Variants in TAPBPL observed in about 807,000 individuals in gnomAD.
The protein encoded by TAPBPL is tapasin-related protein.
In TAPBPL, 32 loss-of-function variants were observed where a neutral mutation model predicts 44.8. That is an observed-to-expected ratio of 0.71 (90% CI 0.54 to 0.96). The LOEUF (loss-of-function observed/expected upper bound fraction) is 0.96, where lower values mean the gene tolerates loss of function less well. TAPBPL is among the 40% of genes least tolerant of loss of function. The probability of loss-of-function intolerance (pLI) is 0.00; values close to 1 mark genes in which losing one functional copy is unlikely to be tolerated. For missense variants in TAPBPL, 520 were observed against 586.6 expected, an observed-to-expected ratio of 0.89 and a Z score of 1.17; for synonymous variants, 230 against 240.7, an observed-to-expected ratio of 0.96 and a Z score of 0.41.
At chr12:6,460,518 C>T (rs917793979) in intron 5 of TAPBPL, among the ~76,000 whole-genome samples, 2 of 152,326 alleles carry the variant, frequency 1.3e-5, no homozygotes, top group South Asian at 2.1e-4. Flanking sequence ...CCACCTACCT[C>T]AGCCTCCCAA....
At chr12:6,470,443 T>C (rs1565529670), downstream of TAPBPL, 2 of 1,592,848 alleles carry the variant, frequency 1.3e-6, no homozygotes, top group South Asian at 1.1e-5. Context: ...AGCTGCTGCA[T>C]TGCGCCATTT....
At chr12:6,465,383 T>TATGTGTATATATATATAA (rs1949984344), downstream of TAPBPL, 11 of 87,376 alleles carry the variant, frequency 1.3e-4, 1 homozygote, top group South Asian at 1.7e-3. Flanking sequence ...AATGTATATA[T>TATGTGTATATATATATAA]ATGTATATAT....
At chr12:6,452,675 A>T (rs940932811) in intron 1 of TAPBPL, 53 of 1,155,814 alleles carry the variant, frequency 4.6e-5, no homozygotes, top group Non-Finnish European at 5.3e-5. Flanking sequence ...AGGCTACCCG[A>T]AATGGGAGAA....
At chr12:6,462,382 G>A (rs1472148914), downstream of TAPBPL, 9 of 505,576 alleles carry the variant, frequency 1.8e-5, no homozygotes, top group Non-Finnish European at 2.8e-5. Context: ...ACAAAGAGGT[G>A]ATGACAGACA....
chr12:6,466,399 G>C (rs757991144), downstream of TAPBPL: 53 of 1,580,172 alleles, frequency 3.4e-5, no homozygotes, highest in Middle Eastern at 3.4e-4. Flanking sequence ...AGACAAGAAA[G>C]GAGCTGGGCG....
chr12:6,462,169 AC>A lies in TAPBPL; in HGVS notation c.*21del. 6.3e-7 allele frequency: 1 copy of A among 1,582,066 alleles called. No individual in the cohort carries two copies. Among genetic ancestry groups the A allele is most frequent in the South Asian group, 1.1e-5 (1 of 88,478 alleles). Reference sequence around the variant, plus strand: ...AGCTGACCTAAAGCGACATGAGACTACTAGAAAGAAACGACACCCTTCCCCA... The same window carrying A: ...AGCTGACCTAAAGCGACATGAGACTATAGAAAGAAACGACACCCTTCCCCA... On this transcript the variant is annotated 3_prime_UTR_variant, in exon 7 of 7. Coordinates refer to ENST00000266556, the MANE Select transcript of TAPBPL (RefSeq NM_018009.5).
At chr12:6,456,850 A>G (rs976103937) in intron 3 of TAPBPL, among the ~76,000 whole-genome samples, 22 of 149,460 alleles carry the variant, frequency 1.5e-4, no homozygotes, top group African/African-American at 5.4e-4. Flanking sequence ...ACAGGGTTTT[A>G]CCATGTTGGC....
At chr12:6,470,764 A>G (rs1945755745), downstream of TAPBPL, 2 of 598,734 alleles carry the variant, frequency 3.3e-6, no homozygotes, top group Non-Finnish European at 6.0e-6. Flanking sequence ...ATCCATGCCC[A>G]GGACGGTCGC....
At chr12:6,456,793 C>T (rs1030343954) in intron 3 of TAPBPL, among the ~76,000 whole-genome samples, 1 of 152,142 alleles carries the variant, frequency 6.6e-6, no homozygotes, top group African/African-American at 2.4e-5. Context: ...GCTGGAATTA[C>T]AGGCACCTGC....
rs781372944 is a variant in TAPBPL at position 6,458,722 on chromosome 12, C to T, written c.982C>T (p.Pro328Ser). ...TLICDIAGYY[P>S]LDVVVTWTRE... is the part of the protein sequence containing the mutation. ...CATCTGCGACATTGCTGGCTATTAC[C>T]CTCTGGATGTGGTGGTGACGTGGAC... Residue 328 changes from proline to serine, a missense_variant, in exon 5 of 7, where the codon CCT becomes TCT. Pro to Ser is a moderately conservative substitution (Grantham distance 74). Coordinates refer to ENST00000266556, the MANE Select transcript of TAPBPL (RefSeq NM_018009.5). 1.2e-6 allele frequency: 2 copies of T among 1,614,196 alleles called. No homozygotes were observed. The highest frequency in any genetic ancestry group is 1.7e-6 in the Non-Finnish European group (2 of 1,180,048).
downstream of TAPBPL, chr12:6,462,807 G>C (rs1484097188): frequency 6.2e-7 from 1 of 1,600,306 alleles, no homozygotes; most frequent in Admixed American, 1.7e-5. Context: ...CGTTGGGAGG[G>C]TACTGACTGC....
downstream of TAPBPL, chr12:6,470,548 G>A: frequency 1.1e-5 from 18 of 1,613,204 alleles, no homozygotes; most frequent in Non-Finnish European, 1.5e-5. Flanking sequence ...GACAGAGAGA[G>A]TGAGGGTCTG....
downstream of TAPBPL, chr12:6,462,682 C>T (rs1001593270): frequency 3.7e-5 from 31 of 847,000 alleles, no homozygotes; most frequent in Middle Eastern, 3.5e-4. Flanking sequence ...GCCAAGAGGA[C>T]GGATTCGCTC....
At chr12:6,461,054 C>T (rs1225092257) in intron 6 of TAPBPL, 116 bp downstream of exon 6, 36 of 1,531,916 alleles carry the variant, frequency 2.3e-5, no homozygotes, top group Non-Finnish European at 3.0e-5. Flanking sequence ...ACCCACCCAT[C>T]ACAGCCTCCT....
downstream of TAPBPL, chr12:6,465,104 C>T (rs1949971687): frequency 2.1e-6 from 2 of 970,676 alleles, no homozygotes; most frequent in Non-Finnish European, 1.5e-6. Context: ...TACCCTTCTG[C>T]TTCCCAGGGG....
downstream of TAPBPL, chr12:6,463,177 A>G: frequency 6.9e-7 from 1 of 1,440,174 alleles, no homozygotes; most frequent in Non-Finnish European, 9.1e-7. The surrounding 1 kb of genome is among the most constrained non-coding windows in gnomAD (Gnocchi z 4.0). Flanking sequence ...GGAGGAAGAG[A>G]AAGGAGGCAA....
chr12:6,467,202 G>A (rs1950043823), downstream of TAPBPL: 1 of 162,848 alleles, frequency 6.1e-6, no homozygotes, highest in Admixed American at 6.5e-5. Flanking sequence ...CCAGTAGAGT[G>A]GGGTGTTGCT....
At chr12:6,465,166 T>C (rs990993383), downstream of TAPBPL, 33 of 578,988 alleles carry the variant, frequency 5.7e-5, no homozygotes, top group South Asian at 1.7e-4. Context: ...AGGACCTGCA[T>C]TGAGCTCCTT....
downstream of TAPBPL, chr12:6,464,535 G>C: frequency 6.8e-7 from 1 of 1,471,096 alleles, no homozygotes; most frequent in Admixed American, 2.7e-5. Flanking sequence ...AAAGAGACAG[G>C]AGAAAACAAG....
Sources: allele counts gnomAD v4.1 joint callset (sites outside exome capture counted in the v4.1 genomes callset), GRCh38; gene constraint gnomAD v4.1.1; non-coding constraint Gnocchi (gnomAD v3.1); transcripts MANE v1.5; gene names NCBI Gene and HGNC (gene_info 2026-07-23, HGNC 2026-07-21).